The following CCDC7 variants were observed in gnomAD, a reference collection of about 807,000 sequenced individuals.
The protein encoded by CCDC7 is coiled-coil domain containing 7, also known as coiled-coil domain-containing protein 7.
CCDC7 carries 183 observed loss-of-function variants against 196.9 expected under a neutral mutation model. The observed-to-expected ratio is 0.93, with a 90% CI of 0.82 to 1.05. The LOEUF is 1.05. Ranked by LOEUF, CCDC7 falls within the 50% of genes least tolerant of loss-of-function variation. CCDC7 has a pLI of 0.00. For missense variants in CCDC7, 1,540 were observed against 1,482.2 expected (o/e 1.04, Z -0.64); for synonymous variants, 525 against 484.6 (o/e 1.08, Z -1.10).
chr10:32,500,163 T>C (rs1177713933), intron 9 of CCDC7, among the ~76,000 whole-genome samples: 2 of 151,892 alleles, frequency 1.3e-5, no homozygotes, highest in Non-Finnish European at 2.9e-5. Flanking sequence ...GCTCCCCACT[T>C]CCCAGACGGG....
chr10:32,760,104 A>G (rs1334703766), intron 28 of CCDC7, among the ~76,000 whole-genome samples: 5 of 152,132 alleles, frequency 3.3e-5, no homozygotes, highest in African/African-American at 4.8e-5. Context: ...AACAGGTGCT[A>G]GAGAGGATGT....
chr10:32,860,728 A>C (rs1249828916), intron 41 of CCDC7, among the ~76,000 whole-genome samples: 1 of 152,214 alleles, frequency 6.6e-6, no homozygotes, highest in Non-Finnish European at 1.5e-5. Context: ...TCAGGATAAA[A>C]AAGCAATGTG....
intron 28 of CCDC7, among the ~76,000 whole-genome samples, chr10:32,750,012 T>C (rs937330628): frequency 6.6e-6 from 1 of 152,176 alleles, no homozygotes; most frequent in Non-Finnish European, 1.5e-5. Flanking sequence ...TCAAAACATA[T>C]GTAATTGCCA....
At chr10:32,725,425 C>T (rs2142253253) in intron 25 of CCDC7, 1 of 467,898 alleles carries the variant, frequency 2.1e-6, no homozygotes, top group Non-Finnish European at 4.4e-6. Flanking sequence ...TGGATTAGTA[C>T]TTGTTTTTTT....
At chr10:32,495,656 C>T (rs1234543291) in intron 9 of CCDC7, among the ~76,000 whole-genome samples, 1 of 152,194 alleles carries the variant, frequency 6.6e-6, no homozygotes, top group African/African-American at 2.4e-5. Flanking sequence ...GAAATCCTTT[C>T]TCCACTGCTT....
chr10:32,600,403 G>A (rs1306096788), intron 18 of CCDC7, among the ~76,000 whole-genome samples: 1 of 151,816 alleles, frequency 6.6e-6, no homozygotes, highest in Non-Finnish European at 1.5e-5. Flanking sequence ...TGTGTACACT[G>A]ATTTTGTAAC....
In CCDC7 at chr10:32,737,261, A is replaced by G. The variant is rs541071795; in HGVS notation, c.2905+7804A>G. Among the ~76,000 whole-genome samples, 4 of 152,278 alleles carry G rather than the reference A, an allele frequency of 2.6e-5. No homozygotes were observed. The South Asian group carries it at 8.3e-4, about 32-fold the overall frequency. ...ATACATTGTTGAATTCAATTTGCTA[A>G]CAATTTGTTGAGGATTTTTGCATCT... On this transcript the variant is annotated intron_variant, in intron 28 of 41. Transcript: ENST00000639629.
chr10:32,470,941 A>C, intron 5 of CCDC7, 123 bp from the exon 7 acceptor site: 11 of 848,620 alleles, frequency 1.3e-5, no homozygotes, highest in East Asian at 3.0e-5. Flanking sequence ...TTACTTGGCT[A>C]TAGCTATAGA....
At chr10:32,682,302 G>A (rs2075962892) in intron 21 of CCDC7, among the ~76,000 whole-genome samples, 2 of 152,118 alleles carry the variant, frequency 1.3e-5, no homozygotes, top group Middle Eastern at 3.2e-3. Flanking sequence ...CTGTGTTAAT[G>A]TCCTTAGGAT....
intron 33 of CCDC7, among the ~76,000 whole-genome samples, chr10:32,841,315 C>G (rs1053932642): frequency 1.3e-5 from 2 of 151,912 alleles, no homozygotes; most frequent in African/African-American, 2.4e-5. Flanking sequence ...AGGATACAAA[C>G]TTAATATACA....
At position 32,845,930 on chromosome 10, in the gene CCDC7, C is replaced by CA; in HGVS notation, c.3577dup (p.Ile1193AsnfsTer12). The CA allele has an allele frequency of 6.2e-7, 1 of 1,611,952 alleles. No homozygotes were observed. The highest frequency in any genetic ancestry group is 1.1e-5 in the South Asian group (1 of 91,006). ...ATTGGAAGAGGTATAATAATAGGGC[C>CA]AATCACTACACAACTGAAGAGTCAC... On this transcript the variant is annotated frameshift_variant, in exon 36 of 42. Transcript: ENST00000639629. LOFTEE classifies it high-confidence loss of function.
chr10:32,820,158 C>A (rs2089863705), intron 31 of CCDC7, among the ~76,000 whole-genome samples: 1 of 152,162 alleles, frequency 6.6e-6, no homozygotes. Flanking sequence ...CACAAGCATT[C>A]TTATACACCA....
chr10:32,745,674 A>G (rs1592280101), intron 28 of CCDC7, among the ~76,000 whole-genome samples: 1 of 152,142 alleles, frequency 6.6e-6, no homozygotes. Flanking sequence ...TTTGGAGGGG[A>G]CAAATATCCA....
rs1354410820 is a variant in CCDC7 at position 32,527,481 on chromosome 10, A to G, written c.993+8976A>G. ...GAGGGGACGAACAGTGTAGACTTCT[A>G]TTTTGCCATCTTGCCACCACCATTT... On this transcript the variant is annotated intron_variant, in intron 11 of 41. Coordinates refer to ENST00000639629, the Ensembl canonical transcript of CCDC7. 2.6e-4 allele frequency among the ~76,000 whole-genome samples: 40 copies of G among 152,084 alleles called. 1 individual carries two copies. Among genetic ancestry groups the G allele is most frequent in the Admixed American group, 2.6e-3 (40 of 15,268 alleles).
At chr10:32,629,645 G>A (rs963678079) in intron 18 of CCDC7, among the ~76,000 whole-genome samples, 1 of 152,122 alleles carries the variant, frequency 6.6e-6, no homozygotes, top group Non-Finnish European at 1.5e-5. Context: ...GTCTGGAGTT[G>A]CCTTTGAAGC....
chr10:32,647,030 C>A (rs1234184475), intron 20 of CCDC7, among the ~76,000 whole-genome samples: 2 of 152,008 alleles, frequency 1.3e-5, no homozygotes, highest in Non-Finnish European at 2.9e-5. Flanking sequence ...GTGAATAGTA[C>A]AGTAATGAAT....
intron 29 of CCDC7, among the ~76,000 whole-genome samples, chr10:32,794,476 T>G (rs2083228300): frequency 6.6e-6 from 1 of 152,214 alleles, no homozygotes; most frequent in Non-Finnish European, 1.5e-5. Context: ...AGTTCTATTT[T>G]GAGTTCTCTG....
chr10:32,684,863 T>C (rs1396800375), intron 21 of CCDC7, among the ~76,000 whole-genome samples: 1 of 152,242 alleles, frequency 6.6e-6, no homozygotes, highest in Non-Finnish European at 1.5e-5. Context: ...AAATATCGTA[T>C]TGATGATTTA....
intron 31 of CCDC7, among the ~76,000 whole-genome samples, chr10:32,820,012 G>T (rs958344654): frequency 6.6e-6 from 1 of 152,314 alleles, no homozygotes; most frequent in South Asian, 2.1e-4. Context: ...ATTAGGAAAA[G>T]AGGAAGTCAC....
Sources: gnomAD v4.1 joint callset for allele counts (sites outside exome capture counted in the v4.1 genomes callset) on GRCh38, gnomAD v4.1.1 for gene constraint, MANE v1.5 for transcripts, NCBI Gene and HGNC (gene_info 2026-07-23, HGNC 2026-07-21) for gene names.